Variants in DNAI4 observed in about 807,000 individuals in gnomAD.
DNAI4 encodes the protein dynein axonemal intermediate chain 4.
DNAI4 carries 85 observed loss-of-function variants against 105.8 expected under a neutral mutation model. The ratio of observed to expected loss-of-function variants is 0.80; its 90% CI spans 0.67 to 0.96. The LOEUF (loss-of-function observed/expected upper bound fraction) is 0.96, where lower values mean the gene tolerates loss of function less well. DNAI4 is among the 40% of genes least tolerant of loss of function. DNAI4 has a pLI of 0.00. For synonymous variants in DNAI4, 352 were observed against 331.5 expected, an observed-to-expected ratio of 1.06 and a Z score of -0.67; for missense variants, 1,014 against 1,005.6, an observed-to-expected ratio of 1.01 and a Z score of -0.11.
chr1:66,893,013 G>GGAAA (rs375563864), intron 3 of DNAI4, among the ~76,000 whole-genome samples: 2 of 106,682 alleles, frequency 1.9e-5, no homozygotes, highest in Non-Finnish European at 1.9e-5. Context: ...AAGAGAGAGA[G>GGAAA]GAAAGAAAGA....
chr1:66,860,556 C>T (rs577984239), intron 7 of DNAI4, among the ~76,000 whole-genome samples: 1 of 151,880 alleles, frequency 6.6e-6, no homozygotes, highest in Non-Finnish European at 1.5e-5. Context: ...CCTTGACTGG[C>T]TATAATAGTA....
At chr1:66,879,847 T>A (rs1295839267) in intron 4 of DNAI4, among the ~76,000 whole-genome samples, 1 of 152,188 alleles carries the variant, frequency 6.6e-6, no homozygotes, top group East Asian at 1.9e-4. Flanking sequence ...TTTGTTCCTA[T>A]GTTTTGTTCA....
chr1:66,922,461 C>A (rs1473015685), intron 1 of DNAI4, among the ~76,000 whole-genome samples: 2 of 152,124 alleles, frequency 1.3e-5, no homozygotes, highest in African/African-American at 4.8e-5. Context: ...TGTAATTAGG[C>A]AAGAGGAAGA....
In DNAI4 at chr1:66,825,184, T is replaced by C. The variant is rs910674792; in HGVS notation, c.2339+1636A>G. Among the ~76,000 whole-genome samples the C allele has an allele frequency of 2.7e-5, 4 of 145,552 alleles. No homozygotes were observed. The East Asian group carries it at 7.9e-4, about 29-fold the overall frequency. On this transcript the variant is annotated intron_variant, in intron 15 of 16. Coordinates refer to ENST00000371026, the MANE Select transcript of DNAI4 (RefSeq NM_024763.5). ...TAACTGTCTTTTTTTTTTTTTTTTT[T>C]TTTTTTGAGACGGAGTCTCGCTCTG...
chr1:66,900,661 G>T (rs1648740373), intron 2 of DNAI4, among the ~76,000 whole-genome samples: 1 of 152,010 alleles, frequency 6.6e-6, no homozygotes, highest in Non-Finnish European at 1.5e-5. Flanking sequence ...TGTTTTTGAT[G>T]CTATTGTGAA....
intron 5 of DNAI4, among the ~76,000 whole-genome samples, chr1:66,872,217 A>T (rs1268801733): frequency 4.3e-5 from 5 of 117,418 alleles, no homozygotes; most frequent in Middle Eastern, 4.5e-3. Context: ...TTATTTATTT[A>T]TTATTTATTT....
chr1:66,822,662 T>C (rs1265323466), intron 15 of DNAI4, 145 bp from the exon 16 acceptor site: 3 of 637,180 alleles, frequency 4.7e-6, no homozygotes, highest in Non-Finnish European at 7.3e-6. Context: ...AAATAACTGC[T>C]CCTCACTCCT....
chr1:66,918,087 G>A (rs1443810218), intron 1 of DNAI4, among the ~76,000 whole-genome samples: 3 of 152,106 alleles, frequency 2.0e-5, no homozygotes, highest in Admixed American at 2.0e-4. Flanking sequence ...GGCTGGGCTT[G>A]GCTTTAAAAG....
intron 4 of DNAI4, among the ~76,000 whole-genome samples, chr1:66,880,911 G>A (rs1647055462): frequency 6.6e-6 from 1 of 152,174 alleles, no homozygotes; most frequent in Non-Finnish European, 1.5e-5. Flanking sequence ...CAGGGTCCCG[G>A]TGTTGTGTGC....
chr1:66,873,366 C>T (rs1260119257), intron 5 of DNAI4, among the ~76,000 whole-genome samples: 3 of 152,006 alleles, frequency 2.0e-5, no homozygotes, highest in Non-Finnish European at 1.5e-5. Context: ...CTACCTCAGC[C>T]TCCCGAGCAG....
intron 4 of DNAI4, among the ~76,000 whole-genome samples, chr1:66,876,485 T>C (rs1207201436): frequency 6.6e-6 from 1 of 152,158 alleles, no homozygotes; most frequent in Admixed American, 6.5e-5. Flanking sequence ...ATCTCAGTTA[T>C]TACGGTTGGG....
intron 7 of DNAI4, among the ~76,000 whole-genome samples, chr1:66,859,667 G>C (rs1020854801): frequency 2.0e-5 from 3 of 152,154 alleles, no homozygotes; most frequent in African/African-American, 7.2e-5. Flanking sequence ...GGAGGCTTAA[G>C]TGCATATCGT....
chr1:66,871,490 C>T lies in DNAI4; in HGVS notation c.820G>A (p.Glu274Lys). The T allele has an allele frequency of 3.8e-6, 6 of 1,591,670 alleles. No individual in the cohort carries two copies. Among genetic ancestry groups the T allele is most frequent in the Non-Finnish European group, 5.1e-6 (6 of 1,171,864 alleles). Residue 274 changes from glutamate (E) to lysine (K), a missense_variant, in exon 6 of 17, where the codon GAA (glutamate) becomes AAA (lysine). By Grantham distance (56) the Glu-to-Lys change is moderately conservative (BLOSUM62 1). Transcript: ENST00000371026. ...EKVTQRNKNY[E>K]VLCRNRLGND... ...CCTAATCTGTTTCTACAAAGGACTTCATAATTCTTGTTTCTCTGACTGTAA... is the reference window on the plus strand; with the variant it reads ...CCTAATCTGTTTCTACAAAGGACTTTATAATTCTTGTTTCTCTGACTGTAA...
At chr1:66,822,566 T>G in intron 15 of DNAI4, 49 bp from the exon 16 acceptor site, 1 of 1,388,740 alleles carries the variant, frequency 7.2e-7, no homozygotes, top group Non-Finnish European at 9.5e-7. Flanking sequence ...ATTAATATGG[T>G]CTTTTAAATA....
chr1:66,923,625 T>C (rs527402130), intron 1 of DNAI4, among the ~76,000 whole-genome samples: 62 of 152,360 alleles, frequency 4.1e-4, no homozygotes, highest in Middle Eastern at 6.8e-3. Context: ...TTTGGTTGCA[T>C]GGCTATTGCT....
intron 10 of DNAI4, among the ~76,000 whole-genome samples, chr1:66,836,220 G>GGGAA (rs1645999918): frequency 1.1e-5 from 1 of 89,494 alleles, no homozygotes. Context: ...GAGAGAGAGA[G>GGGAA]AGAGAGAGAG....
chr1:66,893,527 A>G (rs1219194831), intron 2 of DNAI4, 114 bp from the exon 3 acceptor site: 3 of 618,564 alleles, frequency 4.8e-6, no homozygotes, highest in African/African-American at 1.9e-5. Flanking sequence ...TAATGCTCCT[A>G]TAATAGGATA....
chr1:66,875,404 CT>C (rs1415810667), intron 4 of DNAI4, among the ~76,000 whole-genome samples: 1 of 152,142 alleles, frequency 6.6e-6, no homozygotes, highest in Non-Finnish European at 1.5e-5. Context: ...GTCATTCCAC[CT>C]CTAATCATCT....
chr1:66,874,829 A>T lies in DNAI4; in HGVS notation c.752T>A (p.Leu251Ter), dbSNP rs1313506119. 6.2e-7 allele frequency: 1 copy of T among 1,613,728 alleles called. No individual in the cohort carries two copies. The highest frequency in any genetic ancestry group is 1.3e-5 in the African/African-American group (1 of 74,912). Residue 251 changes from leucine (L) to a stop codon, truncating the protein, a stop_gained, in exon 5 of 17, where the codon TTG becomes TAG. Coordinates refer to ENST00000371026, the MANE Select transcript of DNAI4 (RefSeq NM_024763.5). LOFTEE classifies it high-confidence loss of function. ...TTCTACAGAGACCATGACTGTGGGC[A>T]AGTCAAAAAATCTCAGTGTTTCTGT... ...TETETLRFFD[L>*]PTVMVSVESE...
Sources: allele counts gnomAD v4.1 joint callset (sites outside exome capture counted in the v4.1 genomes callset), GRCh38; gene constraint gnomAD v4.1.1; transcripts MANE v1.5; gene names NCBI Gene and HGNC (gene_info 2026-07-23, HGNC 2026-07-21).